Variants in CACNA1B observed in about 807,000 individuals in gnomAD.
The protein encoded by CACNA1B is voltage-dependent N-type calcium channel subunit alpha-1B.
CACNA1B carries 70 observed loss-of-function variants against 247.2 expected under a neutral mutation model. That is an observed-to-expected ratio of 0.28 (90% CI 0.23 to 0.35). CACNA1B has a LOEUF of 0.35. CACNA1B is among the 10% of genes least tolerant of loss of function. The pLI is 1.00. For synonymous variants in CACNA1B, 1,231 were observed against 1,294.4 expected, an observed-to-expected ratio of 0.95 and a Z score of 1.05; for missense variants, 2,367 against 3,197.4, an observed-to-expected ratio of 0.74 and a Z score of 6.26.
At position 138,073,457 on chromosome 9, in the gene CACNA1B, A is replaced by G; in HGVS notation, c.4675-31A>G. 1 of 1,401,536 alleles carries G rather than the reference A, an allele frequency of 7.1e-7. No homozygotes were observed. The highest frequency in any genetic ancestry group is 1.0e-6 in the Non-Finnish European group (1 of 987,048). The allele number at this position is 1,401,536 out of a possible 1,614,324, so 86.8% of individuals were successfully genotyped here. The stretch of plus-strand genomic sequence containing the variant: ...CTTGCCTGCGCTTTCGGGGCTTCTG[A>G]AGGTCAGAGAACAATTCCTCTTCTC... On this transcript the variant is annotated intron_variant, in intron 32 of 46. Coordinates refer to ENST00000371372, the MANE Select transcript of CACNA1B (RefSeq NM_000718.4). This position sits in a 1 kb window ranked among gnomAD's most constrained non-coding sequence, Gnocchi z 6.4.
At position 138,069,756 on chromosome 9, in the gene CACNA1B, A is replaced by G; in HGVS notation, c.4669-2A>G. On this transcript the variant is annotated splice_acceptor_variant, in intron 31 of 46. Transcript: ENST00000371372. LOFTEE classifies it high-confidence loss of function. ...ATCCATCCATGAAAACATCACATGT[A>G]GGAAACGGTTGGTTTCACGACTCTG... 6.2e-7 allele frequency: 1 copy of G among 1,609,382 alleles called. No homozygotes were observed. Among genetic ancestry groups the G allele is most frequent in the Non-Finnish European group, 8.5e-7 (1 of 1,175,768 alleles).
At chr9:138,068,149 C>T (rs1351808750) in intron 31 of CACNA1B, among the ~76,000 whole-genome samples, 1 of 152,064 alleles carries the variant, frequency 6.6e-6, no homozygotes, top group East Asian at 1.9e-4. Flanking sequence ...CAACAAAGGC[C>T]AGGGACAGGC....
intron 12 of CACNA1B, among the ~76,000 whole-genome samples, chr9:137,976,226 A>T (rs12683137): frequency 1.3e-5 from 2 of 152,128 alleles, no homozygotes; most frequent in African/African-American, 4.8e-5. Context: ...CAGCCTCAGC[A>T]GCTCTCTGTC....
Position 138,120,841 on chromosome 9 carries a change from C to T in CACNA1B, c.6449C>T (p.Thr2150Met), listed in dbSNP as rs200951619. The change falls in exon 46 of 47, where the codon ACG (threonine) becomes ATG (methionine). Residue 2150 changes from threonine (T) to methionine (M), a missense_variant. Physicochemically the swap from Thr to Met is moderately conservative, Grantham distance 81. Coordinates refer to ENST00000371372, the MANE Select transcript of CACNA1B (RefSeq NM_000718.4). ...KPKPSLSSHP[T>M]SPTAGQEPGP... The stretch of plus-strand genomic sequence containing the variant: ...AAGCCCTCCCTCAGCAGCCACCCAA[C>T]GTCGCCAACAGCTGGCCAGGAGCCG... The T allele has an allele frequency of 2.5e-4, 397 of 1,572,734 alleles. 1 individual carries two copies. The highest frequency in any genetic ancestry group is 7.6e-4 in the Admixed American group (41 of 53,986).
chr9:138,023,903 G>T, intron 19 of CACNA1B, 92 bp downstream of exon 19: 1 of 671,100 alleles, frequency 1.5e-6, no homozygotes, highest in Admixed American at 2.5e-5. Flanking sequence ...GTCCACGGCG[G>T]AGGCTGCAGC....
rs945312455 is a variant in CACNA1B at position 138,089,193 on chromosome 9, A to G, written c.5095-7291A>G. ...GCAGAAACAGAAACAAAAACAAAAAACACTAGAAAGAAAAAGGAAACTATA... is the reference window on the plus strand; with the variant it reads ...GCAGAAACAGAAACAAAAACAAAAAGCACTAGAAAGAAAAAGGAAACTATA... On this transcript the variant is annotated intron_variant, in intron 36 of 46. Coordinates refer to ENST00000371372, the MANE Select transcript of CACNA1B (RefSeq NM_000718.4). 2.6e-4 allele frequency among the ~76,000 whole-genome samples: 40 copies of G among 152,124 alleles called. 1 individual carries two copies. Among genetic ancestry groups the G allele is most frequent in the African/African-American group, 8.7e-4 (36 of 41,536 alleles).
At position 137,880,580 on chromosome 9, in the gene CACNA1B, T is replaced by G. The variant is rs766856002; in HGVS notation, c.390+1421T>G. Among the ~76,000 whole-genome samples, 7 of 152,130 alleles carry G rather than the reference T, an allele frequency of 4.6e-5. No homozygotes were observed. The highest frequency in any genetic ancestry group is 8.8e-5 in the Non-Finnish European group (6 of 68,002). On this transcript the variant is annotated intron_variant, in intron 2 of 46. Transcript: ENST00000371372. The surrounding 1 kb of genome is among the most constrained non-coding windows in gnomAD (Gnocchi z 4.8). The stretch of plus-strand genomic sequence containing the variant: ...GGCAGTGGGTGTCCAGCCTTGCAAG[T>G]TCCTGCCTCGCAGGTGTGGGAGGGT...
At position 138,059,288 on chromosome 9, in the gene CACNA1B, T is replaced by G; in HGVS notation, c.4584+99T>G. ...GGGCTCACAATTTGGAGCTGGGAATTCTCCGAGTACCCAGAGTATATGTAA... is the reference window on the plus strand; with the variant it reads ...GGGCTCACAATTTGGAGCTGGGAATGCTCCGAGTACCCAGAGTATATGTAA... On this transcript the variant is annotated intron_variant, in intron 30 of 46. Coordinates refer to ENST00000371372, the MANE Select transcript of CACNA1B (RefSeq NM_000718.4). This position sits in a 1 kb window ranked among gnomAD's most constrained non-coding sequence, Gnocchi z 4.2. 1 of 711,486 alleles carries G rather than the reference T, an allele frequency of 1.4e-6. No homozygotes were observed. The highest frequency in any genetic ancestry group is 2.6e-6 in the Non-Finnish European group (1 of 390,618). The allele number at this position is 711,486 out of a possible 1,614,324, so 44.1% of individuals were successfully genotyped here. A position where few individuals can be genotyped will look rare whatever the true frequency, so the allele number is the denominator to read the frequency against.
rs1957429138 is a variant in CACNA1B, at chr9:137,917,796, G to A, written c.966+365G>A. Among the ~76,000 whole-genome samples, 1 of 152,280 alleles carries A rather than the reference G, an allele frequency of 6.6e-6. No homozygotes were observed. The highest frequency in any genetic ancestry group is 6.5e-5 in the Admixed American group (1 of 15,288). On this transcript the variant is annotated intron_variant, in intron 6 of 46. Transcript: ENST00000371372. The surrounding 1 kb of genome is among the most constrained non-coding windows in gnomAD (Gnocchi z 5.5). ...TGCTCTGGGTTAGGCCCTCTGGGAA[G>A]TGTTTTATTCCTGTTGACTCCTCTC...
intron 36 of CACNA1B, among the ~76,000 whole-genome samples, chr9:138,080,766 C>G (rs1960498049): frequency 6.6e-6 from 1 of 152,116 alleles, no homozygotes; most frequent in South Asian, 2.1e-4. Flanking sequence ...TGAGCCAGAG[C>G]AAGAACAAGT....
At chr9:137,905,851 C>T (rs762167170) in intron 3 of CACNA1B, among the ~76,000 whole-genome samples, 1 of 152,250 alleles carries the variant, frequency 6.6e-6, no homozygotes, top group Non-Finnish European at 1.5e-5. Flanking sequence ...CACCTCCCGA[C>T]AAGTGAATGG....
rs1302128903 is a variant in CACNA1B at position 138,014,443 on chromosome 9, C to T, written c.2267+1208C>T. On this transcript the variant is annotated intron_variant, in intron 18 of 46. Coordinates refer to ENST00000371372, the MANE Select transcript of CACNA1B (RefSeq NM_000718.4). The surrounding 1 kb of genome is among the most constrained non-coding windows in gnomAD (Gnocchi z 6.2). The stretch of plus-strand genomic sequence containing the variant: ...GGGACTCAGGCAGGGATGGGAGGGG[C>T]CTGCAGGGGAACTTGGCAGCTGTGG... Among the ~76,000 whole-genome samples, 1 of 151,934 alleles carries T rather than the reference C, an allele frequency of 6.6e-6. No homozygotes were observed. The highest frequency in any genetic ancestry group is 1.5e-5 in the Non-Finnish European group (1 of 67,978).
chr9:138,104,514 C>T (rs571777226), intron 38 of CACNA1B, among the ~76,000 whole-genome samples: 10 of 152,260 alleles, frequency 6.6e-5, no homozygotes, highest in Non-Finnish European at 1.5e-4. Context: ...GTGCAAAGCC[C>T]TGGGACTAGG....
intron 37 of CACNA1B, among the ~76,000 whole-genome samples, chr9:138,099,817 G>A (rs1369529495): frequency 6.6e-6 from 1 of 152,216 alleles, no homozygotes; most frequent in Non-Finnish European, 1.5e-5. Context: ...CCTTCCTATT[G>A]TTGTTGCTTC....
intron 23 of CACNA1B, among the ~76,000 whole-genome samples, chr9:138,048,094 C>T (rs933311198): frequency 2.0e-5 from 3 of 152,202 alleles, no homozygotes; most frequent in South Asian, 2.1e-4. Context: ...CACAGGACAG[C>T]GTGTGCATAT....
At chr9:138,096,709 C>T in intron 37 of CACNA1B, 98 bp downstream of exon 37, 2 of 1,276,066 alleles carry the variant, frequency 1.6e-6, no homozygotes, top group South Asian at 1.5e-5. Flanking sequence ...AAGTGAGCAC[C>T]CCCTCAGGTT....
Position 138,122,209 on chromosome 9 carries a change from T to C in CACNA1B, c.*210T>C. 1.7e-6 allele frequency: 1 copy of C among 590,744 alleles called. No homozygotes were observed. The highest frequency in any genetic ancestry group is 3.0e-6 in the Non-Finnish European group (1 of 331,810). The allele number at this position is 590,744 out of a possible 1,614,324, so 36.6% of individuals were successfully genotyped here. On this transcript the variant is annotated 3_prime_UTR_variant, in exon 47 of 47. Coordinates refer to ENST00000371372, the MANE Select transcript of CACNA1B (RefSeq NM_000718.4). ...GATGCGGCTCTCTCTGTCCCCTTCCTGTCCTGCCTTCCTGGGTCTCGTACC... is the reference window on the plus strand; with the variant it reads ...GATGCGGCTCTCTCTGTCCCCTTCCCGTCCTGCCTTCCTGGGTCTCGTACC...
In CACNA1B at chr9:138,023,341, G is replaced by A; in HGVS notation, c.2598G>A (p.Gln866=). ...DKDKTPAAGD[Q]DRAEAPKAES... ...ACAAGACCCCCGCGGCGGGGGACCA[G>A]GACCGAGCAGAGGCCCCGAAGGCGG... Residue 866 remains glutamine (Q), a synonymous_variant, in exon 19 of 47, where the codon CAG becomes CAA. Transcript: ENST00000371372. 1 of 1,467,166 alleles carries A rather than the reference G, an allele frequency of 6.8e-7. No homozygotes were observed. Among genetic ancestry groups the A allele is most frequent in the Non-Finnish European group, 8.9e-7 (1 of 1,118,718 alleles). The allele number at this position is 1,467,166 out of a possible 1,614,324, so 90.9% of individuals were successfully genotyped here.
intron 3 of CACNA1B, among the ~76,000 whole-genome samples, chr9:137,886,002 C>T (rs1305755540): frequency 6.6e-6 from 1 of 151,972 alleles, no homozygotes; most frequent in Non-Finnish European, 1.5e-5. Context: ...TCCTCTGACT[C>T]GCTTGGGCCG....
Sources: allele counts gnomAD v4.1 joint callset (sites outside exome capture counted in the v4.1 genomes callset), GRCh38; gene constraint gnomAD v4.1.1; non-coding constraint Gnocchi (gnomAD v3.1); transcripts MANE v1.5; gene names NCBI Gene and HGNC (gene_info 2026-07-23, HGNC 2026-07-21).